PTPRC: variants seen among roughly 807,000 people sequenced by gnomAD.
PTPRC encodes protein tyrosine phosphatase receptor type C.
In PTPRC, 44 loss-of-function variants were observed where a neutral mutation model predicts 155.9. The ratio of observed to expected loss-of-function variants is 0.28; its 90% CI spans 0.22 to 0.36. PTPRC has a LOEUF of 0.36. Ranked by LOEUF, PTPRC falls within the 10% of genes least tolerant of loss-of-function variation. The probability of loss-of-function intolerance (pLI) is 1.00; values close to 1 mark genes in which losing one functional copy is unlikely to be tolerated. For missense variants in PTPRC, 1,401 were observed against 1,564.6 expected (o/e 0.90, Z 1.76); for synonymous variants, 525 against 533.1 (o/e 0.98, Z 0.21).
chr1:198,755,786 T>C (rs1655617819), intron 32 of PTPRC, 120 bp from the exon 33 acceptor site: 2 of 1,087,846 alleles, frequency 1.8e-6, no homozygotes, highest in African/African-American at 1.6e-5. Context: ...TATCAAAAAG[T>C]ACTTTTCTGT....
At chr1:198,684,107 G>A (rs774156412) in intron 2 of PTPRC, among the ~76,000 whole-genome samples, 9 of 151,202 alleles carry the variant, frequency 6.0e-5, no homozygotes, top group South Asian at 2.1e-4. Flanking sequence ...CACAGGAAGC[G>A]ATAAAATTTT....
intron 25 of PTPRC, among the ~76,000 whole-genome samples, 187 bp downstream of exon 25, chr1:198,742,554 A>G (rs1291270398): frequency 6.6e-6 from 1 of 151,912 alleles, no homozygotes; most frequent in Non-Finnish European, 1.5e-5. Flanking sequence ...AGTGCCTAAA[A>G]GTACTGTGGA....
chr1:198,682,807 C>T (rs1665414216), intron 2 of PTPRC, among the ~76,000 whole-genome samples: 1 of 152,142 alleles, frequency 6.6e-6, no homozygotes, highest in Non-Finnish European at 1.5e-5. Flanking sequence ...GGCCTGTTCA[C>T]TTTTCTTCCC....
At chr1:198,735,777 T>C (rs938826665) in intron 23 of PTPRC, among the ~76,000 whole-genome samples, 2 of 151,542 alleles carry the variant, frequency 1.3e-5, no homozygotes, top group Admixed American at 6.6e-5. Flanking sequence ...AATTCCATTA[T>C]ATGAAAAATC....
intron 15 of PTPRC, among the ~76,000 whole-genome samples, chr1:198,727,223 A>G (rs759618736): frequency 4.6e-5 from 7 of 152,028 alleles, no homozygotes; most frequent in Non-Finnish European, 5.9e-5. Flanking sequence ...GAAAACTAAT[A>G]TTATCTCTGC....
At chr1:198,665,838 GA>G (rs560167087) in intron 2 of PTPRC, among the ~76,000 whole-genome samples, 10 of 152,210 alleles carry the variant, frequency 6.6e-5, no homozygotes, top group African/African-American at 2.4e-4. Context: ...GATAAAATGA[GA>G]ACATGGAAAA....
At chr1:198,673,616 G>A (rs1664774875) in intron 2 of PTPRC, among the ~76,000 whole-genome samples, 2 of 152,050 alleles carry the variant, frequency 1.3e-5, no homozygotes, top group African/African-American at 4.8e-5. Context: ...TATTGTTTTG[G>A]TTATTTCCAT....
chr1:198,672,018 A>C (rs1280716976), intron 2 of PTPRC, among the ~76,000 whole-genome samples: 1 of 152,200 alleles, frequency 6.6e-6, no homozygotes, highest in African/African-American at 2.4e-5. Context: ...ATTATTTAGC[A>C]GTTCATGCCT....
chr1:198,665,106 T>TTTTTG (rs1664208369), intron 2 of PTPRC, among the ~76,000 whole-genome samples: 1 of 117,928 alleles, frequency 8.5e-6, no homozygotes. Flanking sequence ...TTTTTTTTTT[T>TTTTTG]TGAGACGGAG....
intron 14 of PTPRC, among the ~76,000 whole-genome samples, chr1:198,721,630 T>C (rs888159446): frequency 6.6e-6 from 1 of 152,050 alleles, no homozygotes; most frequent in African/African-American, 2.4e-5. Flanking sequence ...TACTAATTAT[T>C]AGCTGATAAA....
At position 198,673,998 on chromosome 1, in the gene PTPRC, T is replaced by C. The variant is rs546393959; in HGVS notation, c.74-18349T>C. Among the ~76,000 whole-genome samples, 75 of 152,352 alleles carry C rather than the reference T, an allele frequency of 4.9e-4. 3 individuals are homozygous for C. The South Asian group carries it at 0.015, about 31-fold the overall frequency. On this transcript the variant is annotated intron_variant, in intron 2 of 32. Transcript: ENST00000442510. Reference sequence around the variant, plus strand: ...ACCATAAAAACAAGCTTCTTCTTAGTAGACTTTTGTTGTTTATTTTGTACA... The same window carrying C: ...ACCATAAAAACAAGCTTCTTCTTAGCAGACTTTTGTTGTTTATTTTGTACA...
At chr1:198,733,370 A>T (rs1214215689) in intron 20 of PTPRC, among the ~76,000 whole-genome samples, 1 of 151,788 alleles carries the variant, frequency 6.6e-6, no homozygotes, top group African/African-American at 2.4e-5. Context: ...GCTTTTAGAT[A>T]GGTGATTGAC....
intron 2 of PTPRC, among the ~76,000 whole-genome samples, chr1:198,647,113 A>G (rs1662981223): frequency 6.6e-6 from 1 of 151,798 alleles, no homozygotes; most frequent in Non-Finnish European, 1.5e-5. Flanking sequence ...CAATGGTGCA[A>G]ATTATAAATT....
chr1:198,652,900 G>A (rs1454582228), intron 2 of PTPRC, among the ~76,000 whole-genome samples: 1 of 151,728 alleles, frequency 6.6e-6, no homozygotes, highest in Non-Finnish European at 1.5e-5. Context: ...AGAACTATTG[G>A]GAATGGCTAC....
chr1:198,717,645 G>A (rs1653658492), intron 13 of PTPRC, among the ~76,000 whole-genome samples: 1 of 152,192 alleles, frequency 6.6e-6, no homozygotes, highest in Non-Finnish European at 1.5e-5. Flanking sequence ...CACAGAAAAA[G>A]AAGACAATTT....
At position 198,744,131 on chromosome 1, in the gene PTPRC, A is replaced by C. The variant is rs1479567432; in HGVS notation, c.2775A>C (p.Leu925Phe). 15 of 1,604,940 alleles carry C rather than the reference A, an allele frequency of 9.3e-6. No individual in the cohort carries two copies. Among genetic ancestry groups the C allele is most frequent in the Non-Finnish European group, 1.3e-5 (15 of 1,172,678 alleles). The change falls in exon 26 of 33, where the codon TTA (leucine) becomes TTC (phenylalanine). Residue 925 changes from leucine (L) to phenylalanine (F), a missense_variant. Transcript: ENST00000442510. ...FGETEVNLSE[L>F]HPYLHNMKKR... is the part of the protein sequence containing the mutation. ...AAACAGAAGTGAATTTGTCTGAATT[A>C]CATCCATATCTACATAACATGAAGA...
rs368486334 is a variant in PTPRC at position 198,679,395 on chromosome 1, TA to T, written c.74-12951del. ...CTAAAGCCGTGCCACCACGCCCAGC[TA>T]TTTTTTTTTTTTTTTTTTTTGTATT... On this transcript the variant is annotated intron_variant, in intron 2 of 32. Transcript: ENST00000442510. 2.1e-4 allele frequency among the ~76,000 whole-genome samples: 9 copies of T among 42,226 alleles called. No individual in the cohort carries two copies. In the East Asian group the frequency reaches 2.2e-3, roughly 11 times the overall value. The allele number at this position is 42,226 out of a possible 152,430, so 27.7% of individuals were successfully genotyped here.
At chr1:198,740,797 T>C (rs1044908958) in intron 23 of PTPRC, among the ~76,000 whole-genome samples, 10 of 151,880 alleles carry the variant, frequency 6.6e-5, no homozygotes, top group African/African-American at 2.2e-4. Context: ...CCTATCAAGA[T>C]TGTAAAATGT....
chr1:198,735,051 C>T, intron 22 of PTPRC, 76 bp from the exon 23 acceptor site: 1 of 1,313,624 alleles, frequency 7.6e-7, no homozygotes, highest in Non-Finnish European at 1.1e-6. Context: ...GTTTTGTTTT[C>T]ACTGTTTAAA....
Sources: gnomAD v4.1 joint callset for allele counts (sites outside exome capture counted in the v4.1 genomes callset) on GRCh38, gnomAD v4.1.1 for gene constraint, MANE v1.5 for transcripts, NCBI Gene and HGNC (gene_info 2026-07-23, HGNC 2026-07-21) for gene names.